The following TRIM2 variants were observed in gnomAD, a reference collection of about 807,000 sequenced individuals.
The protein encoded by TRIM2 is tripartite motif containing 2, also known as tripartite motif-containing protein 2.
In TRIM2, 20 loss-of-function variants were observed where a neutral mutation model predicts 75.2. That is an observed-to-expected ratio of 0.27 (90% CI 0.19 to 0.39). The LOEUF (loss-of-function observed/expected upper bound fraction) is 0.39, where lower values mean the gene tolerates loss of function less well. TRIM2 is among the 10% of genes least tolerant of loss of function. The pLI is 1.00. For synonymous variants in TRIM2, 373 were observed against 388.3 expected, an observed-to-expected ratio of 0.96 and a Z score of 0.46; for missense variants, 660 against 990.8, an observed-to-expected ratio of 0.67 and a Z score of 4.48.
intron 5 of TRIM2, 114 bp downstream of exon 5, chr4:153,294,599 C>CTA: frequency 9.1e-7 from 1 of 1,103,610 alleles, no homozygotes; most frequent in Non-Finnish European, 1.3e-6. Context: ...GTATAGTAAA[C>CTA]TATAGTTTTC....
intron 1 of TRIM2, among the ~76,000 whole-genome samples, chr4:153,182,185 A>T (rs1732134218): frequency 6.6e-6 from 1 of 152,178 alleles, no homozygotes; most frequent in Non-Finnish European, 1.5e-5. Flanking sequence ...ACCAGAAATG[A>T]AGCCAGAAGG....
intron 8 of TRIM2, among the ~76,000 whole-genome samples, chr4:153,318,652 C>T (rs374014655): frequency 6.6e-6 from 1 of 152,082 alleles, no homozygotes; most frequent in Non-Finnish European, 1.5e-5. Flanking sequence ...GGAGGCAACC[C>T]ATTTGTTTAT....
At chr4:153,296,936 A>G (rs549745703) in intron 6 of TRIM2, among the ~76,000 whole-genome samples, 2 of 152,342 alleles carry the variant, frequency 1.3e-5, no homozygotes, top group African/African-American at 4.8e-5. Context: ...AAACAATTCT[A>G]TGGTTCAGAT....
chr4:153,241,298 A>G (rs1318178682), intron 1 of TRIM2, among the ~76,000 whole-genome samples: 2 of 152,124 alleles, frequency 1.3e-5, no homozygotes, highest in Admixed American at 6.5e-5. Flanking sequence ...AGCTCTGGCT[A>G]ATGTCTAGGC....
Position 153,336,755 on chromosome 4 carries a change from T to G in TRIM2, c.*1789T>G. Reference sequence around the variant, plus strand: ...AGAAGGGAAATCTAGCTACTTCAAATTGTCTGTTAAATTTATTATGCCCAA... The same window carrying G: ...AGAAGGGAAATCTAGCTACTTCAAAGTGTCTGTTAAATTTATTATGCCCAA... On this transcript the variant is annotated 3_prime_UTR_variant, in exon 12 of 12. Coordinates refer to ENST00000338700, the MANE Select transcript of TRIM2 (RefSeq NM_015271.5). 2 of 985,610 alleles carry G rather than the reference T, an allele frequency of 2.0e-6. No homozygotes were observed. The highest frequency in any genetic ancestry group is 2.4e-6 in the Non-Finnish European group (2 of 829,714). The allele number at this position is 985,610 out of a possible 1,614,324, so 61.1% of individuals were successfully genotyped here. A position where few individuals can be genotyped will look rare whatever the true frequency, so the allele number is the denominator to read the frequency against.
Position 153,292,955 on chromosome 4 carries a change from C to T in TRIM2, c.454-27C>T, listed in dbSNP as rs988094562. The T allele has an allele frequency of 1.1e-5, 18 of 1,578,240 alleles. No individual in the cohort carries two copies. In the African/African-American group the frequency reaches 2.2e-4, roughly 19 times the overall value. On this transcript the variant is annotated intron_variant, in intron 3 of 11. Transcript: ENST00000338700. ...AAGCCCTCAACCCATGGCCCAGAAC[C>T]AGGAACTTTTCTTGTGTCATCCACA...
chr4:153,253,671 A>G (rs960269378), intron 1 of TRIM2, among the ~76,000 whole-genome samples: 1 of 152,190 alleles, frequency 6.6e-6, no homozygotes, highest in African/African-American at 2.4e-5. Context: ...CTGATAAAAC[A>G]GGTTGTAGTA....
intron 1 of TRIM2, among the ~76,000 whole-genome samples, chr4:153,258,506 T>C (rs1006828871): frequency 6.6e-6 from 1 of 152,178 alleles, no homozygotes; most frequent in African/African-American, 2.4e-5. Flanking sequence ...TGCCCCACCC[T>C]GACATTATTC....
intron 1 of TRIM2, among the ~76,000 whole-genome samples, chr4:153,223,290 C>T (rs1741200286): frequency 6.6e-6 from 1 of 152,206 alleles, no homozygotes; most frequent in Non-Finnish European, 1.5e-5. Context: ...TCGCGGACCT[C>T]TGCCGTCCTC....
intron 1 of TRIM2, among the ~76,000 whole-genome samples, chr4:153,249,273 C>T (rs375192873): frequency 1.2e-3 from 182 of 152,374 alleles, no homozygotes; most frequent in African/African-American, 4.4e-3. Context: ...TCTTTTCTTC[C>T]GCCTGAGCGC....
At chr4:153,268,301 G>A (rs1755793313) in intron 1 of TRIM2, among the ~76,000 whole-genome samples, 1 of 152,232 alleles carries the variant, frequency 6.6e-6, no homozygotes, top group South Asian at 2.1e-4. Flanking sequence ...TAGCTAATTT[G>A]TTAGTCCTAC....
intron 1 of TRIM2, among the ~76,000 whole-genome samples, chr4:153,206,236 A>C (rs1264412222): frequency 6.6e-6 from 1 of 152,228 alleles, no homozygotes; most frequent in Non-Finnish European, 1.5e-5. Flanking sequence ...GGCCAGTTGC[A>C]GGCTGAAGGT....
At chr4:153,184,611 C>G (rs1732407823) in intron 1 of TRIM2, among the ~76,000 whole-genome samples, 1 of 152,126 alleles carries the variant, frequency 6.6e-6, no homozygotes, top group Non-Finnish European at 1.5e-5. Context: ...TCCAGTCTCC[C>G]CAGTGTGGCC....
intron 1 of TRIM2, among the ~76,000 whole-genome samples, 188 bp from the exon 2 acceptor site, chr4:153,270,147 C>G (rs781172047): frequency 3.9e-4 from 60 of 152,150 alleles, no homozygotes; most frequent in Non-Finnish European, 7.4e-4. Flanking sequence ...CCAGGAGGGT[C>G]TCGATCTCTT....
chr4:153,295,384 G>T lies in TRIM2; in HGVS notation c.858G>T (p.Ala286=), dbSNP rs770000289. 1 of 1,613,774 alleles carries T rather than the reference G, an allele frequency of 6.2e-7. No homozygotes were observed. The highest frequency in any genetic ancestry group is 8.5e-7 in the Non-Finnish European group (1 of 1,179,908). The change falls in exon 6 of 12, where the codon GCG becomes GCT. Residue 286 remains alanine, a synonymous_variant. Coordinates refer to ENST00000338700, the MANE Select transcript of TRIM2 (RefSeq NM_015271.5). The surrounding 1 kb of genome is among the most constrained non-coding windows in gnomAD (Gnocchi z 7.2). ...TTAAGAGCTGCAGCAACTTCACAGC[G>T]CAGGCCCTCAACCATGGCACGGAGA... ...ESIKSCSNFT[A]QALNHGTETE... is the part of the protein sequence containing the mutation.
chr4:153,177,781 C>T (rs1453762386), intron 1 of TRIM2, among the ~76,000 whole-genome samples: 1 of 147,768 alleles, frequency 6.8e-6, no homozygotes, highest in African/African-American at 2.5e-5. Flanking sequence ...CTCCTTCCTT[C>T]CTCTACTTTC....
chr4:153,255,625 T>A (rs1260040775), intron 1 of TRIM2, among the ~76,000 whole-genome samples: 3 of 152,180 alleles, frequency 2.0e-5, no homozygotes, highest in East Asian at 3.9e-4. Flanking sequence ...AAGCAGAACA[T>A]ACGTCCGCAC....
intron 1 of TRIM2, among the ~76,000 whole-genome samples, chr4:153,209,448 T>C (rs1736357164): frequency 6.6e-6 from 1 of 152,152 alleles, no homozygotes; most frequent in South Asian, 2.1e-4. Flanking sequence ...ACATGCTGGG[T>C]ACAAGATCCC....
At chr4:153,154,240 A>G (rs915349152) in intron 1 of TRIM2, among the ~76,000 whole-genome samples, 11 of 152,182 alleles carry the variant, frequency 7.2e-5, no homozygotes, top group African/African-American at 2.7e-4. Context: ...CAAATATGTG[A>G]TACAGAGGCA....
Sources: gnomAD v4.1 joint callset for allele counts (sites outside exome capture counted in the v4.1 genomes callset) on GRCh38, gnomAD v4.1.1 for gene constraint, Gnocchi (gnomAD v3.1) non-coding constraint, MANE v1.5 for transcripts, NCBI Gene and HGNC (gene_info 2026-07-23, HGNC 2026-07-21) for gene names.